CACNG2: variants seen among roughly 807,000 people sequenced by gnomAD.
The protein encoded by CACNG2 is voltage-dependent calcium channel gamma-2 subunit.
A neutral mutation model predicts 25.9 loss-of-function variants in CACNG2; 3 were observed. The observed-to-expected ratio is 0.12, with a 90% CI of 0.05 to 0.30. The LOEUF (loss-of-function observed/expected upper bound fraction) is 0.30, where lower values mean the gene tolerates loss of function less well. Among genes scored for constraint, CACNG2 ranks in the 10% least tolerant of loss-of-function variants. The pLI, the probability that CACNG2 is intolerant of heterozygous loss-of-function variation, is 1.00. For missense variants in CACNG2, 341 were observed against 432.5 expected (o/e 0.79, Z 1.88); for synonymous variants, 167 against 173.3 (o/e 0.96, Z 0.29).
At chr22:36,661,588 C>T (rs1936795406) in intron 1 of CACNG2, among the ~76,000 whole-genome samples, 1 of 152,194 alleles carries the variant, frequency 6.6e-6, no homozygotes, top group African/African-American at 2.4e-5. Context: ...TTGTCGGAGG[C>T]CTCCTTGGTG....
intron 1 of CACNG2, among the ~76,000 whole-genome samples, chr22:36,596,031 A>C (rs1569024243): frequency 6.6e-6 from 1 of 152,234 alleles, no homozygotes; most frequent in South Asian, 2.1e-4. Flanking sequence ...TAGATACAAT[A>C]AGCTCCTCAT....
chr22:36,630,230 C>G (rs1306192929), intron 1 of CACNG2, among the ~76,000 whole-genome samples: 5 of 152,184 alleles, frequency 3.3e-5, no homozygotes, highest in African/African-American at 1.2e-4. Flanking sequence ...ACCAGTTGGT[C>G]AGGTATTGTG....
chr22:36,655,489 T>A (rs146133172), intron 1 of CACNG2, among the ~76,000 whole-genome samples: 131 of 152,326 alleles, frequency 8.6e-4, no homozygotes, highest in South Asian at 7.0e-3. Context: ...TTGTGTCCCT[T>A]CCATGGCCTC....
chr22:36,667,493 C>T (rs946114467), intron 1 of CACNG2, among the ~76,000 whole-genome samples: 6 of 152,146 alleles, frequency 3.9e-5, no homozygotes, highest in South Asian at 4.1e-4. Flanking sequence ...TACTTTGCAC[C>T]GAACCTCAGT....
At chr22:36,629,532 A>T (rs1250766251) in intron 1 of CACNG2, among the ~76,000 whole-genome samples, 1 of 151,564 alleles carries the variant, frequency 6.6e-6, no homozygotes, top group African/African-American at 2.4e-5. Context: ...GTTCGTGTGT[A>T]TGTGTGTGTG....
At chr22:36,647,684 T>G (rs1936547396) in intron 1 of CACNG2, among the ~76,000 whole-genome samples, 1 of 152,240 alleles carries the variant, frequency 6.6e-6, no homozygotes, top group African/African-American at 2.4e-5. Context: ...TTATCTCAAT[T>G]TGCTGTCCCA....
At chr22:36,587,670 G>A in intron 1 of CACNG2, 122 bp from the exon 2 acceptor site, 1 of 778,650 alleles carries the variant, frequency 1.3e-6, no homozygotes, top group Non-Finnish European at 2.4e-6. Context: ...CCTCACCCCT[G>A]AAGGAAGGTT....
intron 1 of CACNG2, among the ~76,000 whole-genome samples, chr22:36,645,180 AC>A (rs1936499987): frequency 6.6e-6 from 1 of 152,062 alleles, no homozygotes; most frequent in African/African-American, 2.4e-5. Flanking sequence ...GCATACCCAC[AC>A]CTCTTGGCTC....
intron 1 of CACNG2, among the ~76,000 whole-genome samples, chr22:36,650,088 C>G (rs1306548526): frequency 2.0e-5 from 3 of 152,164 alleles, no homozygotes; most frequent in Admixed American, 1.3e-4. Flanking sequence ...CTTTCTGCTT[C>G]TGCACTTGCC....
intron 1 of CACNG2, among the ~76,000 whole-genome samples, chr22:36,612,689 A>G (rs1450138891): frequency 6.6e-6 from 1 of 152,170 alleles, no homozygotes; most frequent in Non-Finnish European, 1.5e-5. Flanking sequence ...CACATGTCCA[A>G]AGAATGTGCT....
intron 2 of CACNG2, among the ~76,000 whole-genome samples, chr22:36,583,030 G>T (rs1290194837): frequency 1.3e-5 from 2 of 152,044 alleles, no homozygotes; most frequent in Non-Finnish European, 2.9e-5. Context: ...TGCGTTCCTG[G>T]TGGGGCTCAG....
chr22:36,685,614 G>A (rs1416290905), intron 1 of CACNG2, among the ~76,000 whole-genome samples: 1 of 152,174 alleles, frequency 6.6e-6, no homozygotes, highest in Non-Finnish European at 1.5e-5. Context: ...CAGAGGCACA[G>A]TGTTCTCAAG....
intron 1 of CACNG2, among the ~76,000 whole-genome samples, chr22:36,601,950 G>T (rs1935759922): frequency 6.6e-6 from 1 of 152,084 alleles, no homozygotes; most frequent in Non-Finnish European, 1.5e-5. Context: ...AGTGTGCGAG[G>T]ATTCCCTTTT....
intron 1 of CACNG2, among the ~76,000 whole-genome samples, chr22:36,666,538 T>C (rs565501556): frequency 6.6e-6 from 1 of 151,470 alleles, no homozygotes; most frequent in African/African-American, 2.4e-5. Context: ...GAATGAGGAG[T>C]CATTGTTTGC....
chr22:36,635,299 AG>A (rs1482191578), intron 1 of CACNG2, among the ~76,000 whole-genome samples: 6 of 151,254 alleles, frequency 4.0e-5, no homozygotes, highest in Non-Finnish European at 8.8e-5. Context: ...AAAAAAAAAA[AG>A]AAAAATGGTC....
At chr22:36,635,111 G>A (rs1936333756) in intron 1 of CACNG2, among the ~76,000 whole-genome samples, 1 of 151,992 alleles carries the variant, frequency 6.6e-6, no homozygotes, top group African/African-American at 2.4e-5. Flanking sequence ...GTGAAACCCT[G>A]TCTCTACTAA....
intron 2 of CACNG2, among the ~76,000 whole-genome samples, chr22:36,576,895 G>A (rs1017551876): frequency 2.6e-5 from 4 of 152,138 alleles, no homozygotes; most frequent in African/African-American, 9.7e-5. Context: ...TTCAATGAAC[G>A]TGTGCTATAT....
chr22:36,642,725 C>T (rs1936457973), intron 1 of CACNG2, among the ~76,000 whole-genome samples: 1 of 152,222 alleles, frequency 6.6e-6, no homozygotes, highest in Non-Finnish European at 1.5e-5. Flanking sequence ...GAAGCATCAT[C>T]ACTGAAACTT....
Position 36,564,939 on chromosome 22 carries a change from C to T in CACNG2, c.437-53G>A, listed in dbSNP as rs1935101716. The T allele has an allele frequency of 6.4e-7, 1 of 1,552,706 alleles. No homozygotes were observed. The stretch of plus-strand genomic sequence containing the variant: ...GGATCAGAGAGAAGGACGTTAGTTT[C>T]TCAGGAAGTCGGCCACAGGGCAGCC... On this transcript the variant is annotated intron_variant, in intron 3 of 3. Coordinates refer to ENST00000300105, the MANE Select transcript of CACNG2 (RefSeq NM_006078.5). The surrounding 1 kb of genome is among the most constrained non-coding windows in gnomAD (Gnocchi z 6.7).
Sources: gnomAD v4.1 joint callset for allele counts (sites outside exome capture counted in the v4.1 genomes callset) on GRCh38, gnomAD v4.1.1 for gene constraint, Gnocchi (gnomAD v3.1) non-coding constraint, MANE v1.5 for transcripts, NCBI Gene and HGNC (gene_info 2026-07-23, HGNC 2026-07-21) for gene names.